Variants in HECW1 observed in about 807,000 individuals in gnomAD.
HECW1 encodes the protein E3 ubiquitin-protein ligase HECW1.
Under a neutral mutation model 182.3 loss-of-function variants are expected in HECW1, and 61 were observed. That is an observed-to-expected ratio of 0.33 (90% CI 0.27 to 0.41). HECW1 has a LOEUF of 0.41. Among genes scored for constraint, HECW1 ranks in the 10% least tolerant of loss-of-function variants. The probability of loss-of-function intolerance (pLI) is 1.00; values close to 1 mark genes in which losing one functional copy is unlikely to be tolerated. For missense variants in HECW1, 1,739 were observed against 2,108.9 expected (o/e 0.82, Z 3.44); for synonymous variants, 859 against 832.6 (o/e 1.03, Z -0.55).
Position 43,138,983 on chromosome 7 carries a change from TTTTG to T in HECW1, c.-32+24612_-32+24615del, listed in dbSNP as rs562386632. On this transcript the variant is annotated intron_variant, in intron 2 of 29. Transcript: ENST00000395891. ...TGCAGCTGTGCAGACAGACTGGTTT[TTTTG>T]TTTGTTTGTTTGTTTGTTTTAATAA... 3.7e-3 allele frequency among the ~76,000 whole-genome samples: 568 copies of T among 152,338 alleles called. 2 individuals carry two copies. The highest frequency in any genetic ancestry group is 0.013 in the African/African-American group (545 of 41,560).
intron 4 of HECW1, among the ~76,000 whole-genome samples, chr7:43,319,183 C>T (rs1018069655): frequency 6.6e-6 from 1 of 151,546 alleles, no homozygotes. Context: ...GTCAGGAGAT[C>T]GAGACCATCC....
intron 15 of HECW1, 27 bp downstream of exon 15, chr7:43,466,595 C>T (rs371685011): frequency 6.7e-5 from 107 of 1,604,444 alleles, no homozygotes; most frequent in Non-Finnish European, 7.9e-5. Flanking sequence ...GCAGAGGGGG[C>T]GGCCTGGCTC....
In HECW1 at chr7:43,445,475, C is replaced by G. The variant is rs1289082524; in HGVS notation, c.2303C>G (p.Pro768Arg). The change falls in exon 11 of 30, where the codon CCG (proline) becomes CGG (arginine). Residue 768 changes from proline to arginine, a missense_variant. Around this residue, in one of 5 missense-constraint regions of HECW1, gnomAD observed 971 missense variants for 1,029.1 expected, o/e 0.94. Coordinates refer to ENST00000395891, the MANE Select transcript of HECW1 (RefSeq NM_015052.5). ...CCGGAGTCCACGAACGGCGCTGGGCCGTGGCAAGACGAGCTGGCCGCCCCT... is the reference window on the plus strand; with the variant it reads ...CCGGAGTCCACGAACGGCGCTGGGCGGTGGCAAGACGAGCTGGCCGCCCCT... ...LDPESTNGAG[P>R]WQDELAAPSG... 5 of 1,612,258 alleles carry G rather than the reference C, an allele frequency of 3.1e-6. No homozygotes were observed. The East Asian group carries it at 1.1e-4, about 36-fold the overall frequency.
At position 43,289,852 on chromosome 7, in the gene HECW1, G is replaced by T. The variant is rs11976276; in HGVS notation, c.28-21911G>T. On this transcript the variant is annotated intron_variant, in intron 3 of 29. Coordinates refer to ENST00000395891, the MANE Select transcript of HECW1 (RefSeq NM_015052.5). ...GTGTACACTGGTTAGGCAGGAAAAG[G>T]CAGGACATCTTGAAGTGGGGGCTTG... Among the ~76,000 whole-genome samples the T allele has an allele frequency of 4.0e-3, 610 of 152,306 alleles. 8 individuals are homozygous for T. The highest frequency in any genetic ancestry group is 0.014 in the African/African-American group (586 of 41,576).
intron 2 of HECW1, among the ~76,000 whole-genome samples, chr7:43,137,449 C>T (rs1336221964): frequency 6.6e-6 from 1 of 152,198 alleles, no homozygotes; most frequent in Non-Finnish European, 1.5e-5. Context: ...GTAGATTCCG[C>T]ACATTCCATT....
At chr7:43,456,506 A>G (rs2077408474) in intron 13 of HECW1, 59 bp downstream of exon 13, 1 of 1,529,840 alleles carries the variant, frequency 6.5e-7, no homozygotes, top group South Asian at 1.2e-5. Context: ...AATGGCAGCT[A>G]GAGACGCTCC....
chr7:43,112,809 G>T lies in HECW1; in HGVS notation c.-395G>T, dbSNP rs1402937021. 1.3e-5 allele frequency: 3 copies of T among 228,950 alleles called. No homozygotes were observed. Among genetic ancestry groups the T allele is most frequent in the Non-Finnish European group, 2.6e-5 (3 of 115,340 alleles). The allele number at this position is 228,950 out of a possible 1,614,324, so 14.2% of individuals were successfully genotyped here. A position where few individuals can be genotyped will look rare whatever the true frequency, so the allele number is the denominator to read the frequency against. On this transcript the variant is annotated 5_prime_UTR_variant, in exon 1 of 30. Coordinates refer to ENST00000395891, the MANE Select transcript of HECW1 (RefSeq NM_015052.5). ...CGGCAGCCAGAGCGCAGCGAGAGCGGGCGGTCGCCAGGGTCCCCTCCCCAG... is the reference window on the plus strand; with the variant it reads ...CGGCAGCCAGAGCGCAGCGAGAGCGTGCGGTCGCCAGGGTCCCCTCCCCAG...
At chr7:43,532,234 A>G (rs973445245) in intron 24 of HECW1, among the ~76,000 whole-genome samples, 13 of 151,872 alleles carry the variant, frequency 8.6e-5, no homozygotes, top group African/African-American at 2.7e-4. Context: ...CCTTGGCTGT[A>G]TCTTGAGAAT....
intron 13 of HECW1, among the ~76,000 whole-genome samples, chr7:43,460,549 T>C (rs2152892174): frequency 6.6e-6 from 1 of 151,708 alleles, no homozygotes; most frequent in Admixed American, 6.6e-5. Flanking sequence ...TGCGTGTGTG[T>C]GCGTGTGTGC....
At chr7:43,246,531 A>G (rs1354023146) in intron 3 of HECW1, among the ~76,000 whole-genome samples, 2 of 152,166 alleles carry the variant, frequency 1.3e-5, no homozygotes, top group Non-Finnish European at 1.5e-5. Context: ...TCTCTAGGTA[A>G]TTCTGGTATG....
At chr7:43,409,710 C>T (rs1432373940) in intron 8 of HECW1, among the ~76,000 whole-genome samples, 1 of 152,170 alleles carries the variant, frequency 6.6e-6, no homozygotes, top group Non-Finnish European at 1.5e-5. Context: ...CCTGGTAAGG[C>T]TCAGGCTGAG....
chr7:43,304,910 A>T (rs1252296070), intron 3 of HECW1, among the ~76,000 whole-genome samples: 1 of 152,216 alleles, frequency 6.6e-6, no homozygotes, highest in Non-Finnish European at 1.5e-5. Context: ...TTCTAAGTAG[A>T]GGGGACTGAC....
intron 5 of HECW1, among the ~76,000 whole-genome samples, chr7:43,359,684 G>A (rs955419756): frequency 3.3e-5 from 5 of 151,904 alleles, no homozygotes; most frequent in East Asian, 1.9e-4. Flanking sequence ...TTCATTTTTC[G>A]TATTTTCCAT....
chr7:43,139,809 A>C (rs1787968352), intron 2 of HECW1, among the ~76,000 whole-genome samples: 1 of 120,222 alleles, frequency 8.3e-6, no homozygotes, highest in Admixed American at 8.1e-5. Flanking sequence ...TCATCTTTGG[A>C]AAAAGGGCAA....
At position 43,561,874 on chromosome 7, in the gene HECW1, A is replaced by T; in HGVS notation, c.4769A>T (p.Tyr1590Phe). 13 of 1,614,154 alleles carry T rather than the reference A, an allele frequency of 8.1e-6. No homozygotes were observed. The highest frequency in any genetic ancestry group is 1.1e-5 in the Non-Finnish European group (13 of 1,179,970). Residue 1590 changes from tyrosine to phenylalanine, a missense_variant, in exon 30 of 30, where the codon TAT becomes TTT. By Grantham distance (22) the Tyr-to-Phe change is conservative. Transcript: ENST00000395891. ...CCGTATCCCTCGTACTCCATGTTGT[A>T]TGAAAAGCTGTTAACAGCAGTAGAG... ...LPPYPSYSMLYEKLLTAVEET... is the reference protein window; with the variant it reads ...LPPYPSYSMLFEKLLTAVEET...
intron 6 of HECW1, among the ~76,000 whole-genome samples, chr7:43,369,146 CA>C (rs1433353810): frequency 6.6e-6 from 1 of 152,042 alleles, no homozygotes; most frequent in Non-Finnish European, 1.5e-5. Context: ...ATATAAATGT[CA>C]CTCTTTGCTG....
intron 13 of HECW1, among the ~76,000 whole-genome samples, chr7:43,460,360 G>A (rs1415088831): frequency 6.6e-6 from 1 of 152,216 alleles, no homozygotes; most frequent in African/African-American, 2.4e-5. Flanking sequence ...ACTTGTTGGA[G>A]CAAGGGTCAA....
At chr7:43,280,618 G>T (rs1036262493) in intron 3 of HECW1, among the ~76,000 whole-genome samples, 1 of 152,182 alleles carries the variant, frequency 6.6e-6, no homozygotes, top group Non-Finnish European at 1.5e-5. Flanking sequence ...GAAGACTTTT[G>T]AGAGGAGGAT....
At chr7:43,319,773 T>A (rs530827649) in intron 4 of HECW1, among the ~76,000 whole-genome samples, 18 of 114,970 alleles carry the variant, frequency 1.6e-4, no homozygotes, top group African/African-American at 7.2e-4. Flanking sequence ...CTAATTTTTG[T>A]AATTTTTTTT....
Sources: allele counts gnomAD v4.1 joint callset (sites outside exome capture counted in the v4.1 genomes callset), GRCh38; gene constraint gnomAD v4.1.1; regional missense constraint gnomAD v4.1.1; transcripts MANE v1.5; gene names NCBI Gene and HGNC (gene_info 2026-07-23, HGNC 2026-07-21).